Variants in GLIS3 observed in about 807,000 individuals in gnomAD.
The protein encoded by GLIS3 is GLIS family zinc finger 3.
GLIS3 carries 53 observed loss-of-function variants against 78.6 expected under a neutral mutation model. The observed-to-expected ratio is 0.67, with a 90% CI of 0.54 to 0.85. GLIS3 has a LOEUF of 0.85. GLIS3 is among the 40% of genes least tolerant of loss of function. The pLI, the probability that GLIS3 is intolerant of heterozygous loss-of-function variation, is 0.00. For synonymous variants in GLIS3, 684 were observed against 509.9 expected (o/e 1.34, Z -4.60); for missense variants, 1,703 against 1,231.1 (o/e 1.38, Z -5.74).
intron 2 of GLIS3, among the ~76,000 whole-genome samples, chr9:4,218,092 C>A (rs920676221): frequency 6.6e-6 from 1 of 152,226 alleles, no homozygotes; most frequent in Non-Finnish European, 1.5e-5. Flanking sequence ...TCCTGTTCCT[C>A]CACAATCTTA....
intron 7 of GLIS3, among the ~76,000 whole-genome samples, chr9:3,881,518 A>G (rs1821725641): frequency 6.6e-6 from 1 of 152,170 alleles, no homozygotes; most frequent in African/African-American, 2.4e-5. Context: ...AGAGGTCTGT[A>G]TTAGCTATAC....
chr9:4,090,072 G>T (rs1829369214), intron 4 of GLIS3, among the ~76,000 whole-genome samples: 1 of 152,154 alleles, frequency 6.6e-6, no homozygotes, highest in Admixed American at 6.5e-5. Context: ...ACTGCAGGGG[G>T]TATGATTCCT....
In GLIS3 at chr9:4,199,084, G is replaced by A. The variant is rs561378170; in HGVS notation, c.389-73143C>T. ...GAGAGTTCCAAACATGGAAAGGAAA[G>A]AACTATACCTGTTACCACAAAAACA... On this transcript the variant is annotated intron_variant, in intron 2 of 10. Coordinates refer to ENST00000381971, the MANE Select transcript of GLIS3 (RefSeq NM_001042413.2). Among the ~76,000 whole-genome samples, 5 of 152,262 alleles carry A rather than the reference G, an allele frequency of 3.3e-5. No individual in the cohort carries two copies. The South Asian group carries it at 1.0e-3, about 32-fold the overall frequency.
intron 2 of GLIS3, among the ~76,000 whole-genome samples, chr9:4,322,198 G>C (rs1416567226): frequency 6.6e-6 from 1 of 152,164 alleles, no homozygotes. Context: ...TCCCTACAAA[G>C]GACATGAACT....
the GLIS3 span, among the ~76,000 whole-genome samples, chr9:4,481,515 AGTGTGTGTGT>A: frequency 1.2e-4 from 18 of 147,588 alleles, no homozygotes; most frequent in Admixed American, 4.7e-4. Flanking sequence ...TAAAAACATA[AGTGTGTGTGT>A]GTGTGTGTGT....
intron 4 of GLIS3, among the ~76,000 whole-genome samples, chr9:3,991,950 A>G (rs986999513): frequency 6.6e-6 from 1 of 152,142 alleles, no homozygotes; most frequent in Non-Finnish European, 1.5e-5. Context: ...TCGGCCTCCC[A>G]AAGTGCTGGG....
At chr9:3,930,990 T>C (rs1458957650) in intron 6 of GLIS3, among the ~76,000 whole-genome samples, 13 of 152,306 alleles carry the variant, frequency 8.5e-5, no homozygotes, top group Non-Finnish European at 4.4e-5. Context: ...TCTAACTTTA[T>C]TTACATTATT....
intron 4 of GLIS3, among the ~76,000 whole-genome samples, chr9:4,007,439 T>A (rs16920354): frequency 6.6e-6 from 1 of 152,076 alleles, no homozygotes; most frequent in Non-Finnish European, 1.5e-5. Flanking sequence ...ACATCCCTCT[T>A]TCTGAATGTC....
intron 2 of GLIS3, among the ~76,000 whole-genome samples, chr9:4,196,911 C>G (rs1009391719): frequency 4.6e-5 from 7 of 152,196 alleles, no homozygotes; most frequent in Admixed American, 1.3e-4. Context: ...CCCCTGAGAT[C>G]ATGGTGCAGT....
intron 2 of GLIS3, among the ~76,000 whole-genome samples, chr9:4,127,072 A>G (rs1235612905): frequency 6.6e-6 from 1 of 152,134 alleles, no homozygotes; most frequent in Non-Finnish European, 1.5e-5. Flanking sequence ...CCCCCAAAAC[A>G]ATAGAACAAA....
the GLIS3 span, chr9:4,386,386 TC>T: frequency 1.6e-4 from 8 of 51,568 alleles, no homozygotes; most frequent in African/African-American, 4.9e-4. Flanking sequence ...CATTTTCTTT[TC>T]TTTTTAAAAA....
intron 2 of GLIS3, among the ~76,000 whole-genome samples, chr9:4,257,956 A>C (rs891632285): frequency 3.9e-5 from 6 of 152,154 alleles, no homozygotes; most frequent in African/African-American, 1.2e-4. Context: ...ATTTATATCT[A>C]ATTTGAAGAT....
At chr9:4,407,579 G>C in the GLIS3 span, among the ~76,000 whole-genome samples, 5 of 152,242 alleles carry the variant, frequency 3.3e-5, no homozygotes, top group African/African-American at 1.2e-4. Context: ...CCCGGGAGGC[G>C]GAGCTTGCGG....
chr9:3,972,012 A>C (rs1173271792), intron 4 of GLIS3, among the ~76,000 whole-genome samples: 1 of 152,192 alleles, frequency 6.6e-6, no homozygotes, highest in Non-Finnish European at 1.5e-5. Context: ...GCTTTTGTTC[A>C]GAAAGGTGTT....
At chr9:4,302,787 C>T (rs1490376317), upstream of GLIS3, among the ~76,000 whole-genome samples, 1 of 152,188 alleles carries the variant, frequency 6.6e-6, no homozygotes, top group Non-Finnish European at 1.5e-5. Flanking sequence ...TGCAAAGCAT[C>T]TTGTGGTCAG....
Position 4,074,596 on chromosome 9 carries a change from G to A in GLIS3, c.1710+43172C>T, listed in dbSNP as rs553533512. ...TCTTATGGCTCTATATTTTATAACTGAATCATTTACTGTATCATAGGAGAT... is the reference window on the plus strand; with the variant it reads ...TCTTATGGCTCTATATTTTATAACTAAATCATTTACTGTATCATAGGAGAT... On this transcript the variant is annotated intron_variant, in intron 4 of 10. Coordinates refer to ENST00000381971, the MANE Select transcript of GLIS3 (RefSeq NM_001042413.2). 4.2e-4 allele frequency among the ~76,000 whole-genome samples: 64 copies of A among 152,122 alleles called. 1 individual carries two copies. The highest frequency in any genetic ancestry group is 1.5e-3 in the African/African-American group (62 of 41,506).
At chr9:4,488,655 G>A in the GLIS3 span, among the ~76,000 whole-genome samples, 6 of 151,996 alleles carry the variant, frequency 3.9e-5, no homozygotes, top group Admixed American at 3.3e-4. Flanking sequence ...GAATAGCTGG[G>A]ATTACAGGTG....
chr9:3,946,216 A>T lies in GLIS3; in HGVS notation c.1711-9027T>A, dbSNP rs150350579. ...TAATTGGATTGTTTGTTTCCCTACTAGGCTGTGAGCTTTATAAGAACAAGG... is the reference window on the plus strand; with the variant it reads ...TAATTGGATTGTTTGTTTCCCTACTTGGCTGTGAGCTTTATAAGAACAAGG... On this transcript the variant is annotated intron_variant, in intron 4 of 10. Transcript: ENST00000381971. Among the ~76,000 whole-genome samples the T allele has an allele frequency of 3.2e-3, 494 of 152,314 alleles. 1 individual carries two copies. Among genetic ancestry groups the T allele is most frequent in the African/African-American group, 0.011 (468 of 41,572 alleles).
In GLIS3 at chr9:3,843,235, T is replaced by C. The variant is rs147619248; in HGVS notation, c.2473+12774A>G. Among the ~76,000 whole-genome samples, 251 of 152,324 alleles carry C rather than the reference T, an allele frequency of 1.6e-3. 1 individual carries two copies. The highest frequency in any genetic ancestry group is 6.0e-3 in the African/African-American group (249 of 41,578). On this transcript the variant is annotated intron_variant, in intron 9 of 10. Coordinates refer to ENST00000381971, the MANE Select transcript of GLIS3 (RefSeq NM_001042413.2). ...TTTTGCTTCTTCGAATCCGAGTCTG[T>C]TATTACACAAATTTCCAGCACTCTA...
Sources: gnomAD v4.1 joint callset for allele counts (sites outside exome capture counted in the v4.1 genomes callset) on GRCh38, gnomAD v4.1.1 for gene constraint, MANE v1.5 for transcripts, NCBI Gene and HGNC (gene_info 2026-07-23, HGNC 2026-07-21) for gene names.